MEGF11: variants seen among roughly 807,000 people sequenced by gnomAD.
The protein encoded by MEGF11 is multiple EGF like domains 11.
A neutral mutation model predicts 146.6 loss-of-function variants in MEGF11; 126 were observed. The observed-to-expected ratio is 0.86, with a 90% CI of 0.74 to 1.00. MEGF11 has a LOEUF of 1.00. MEGF11 is among the 50% of genes least tolerant of loss of function. MEGF11 has a pLI of 0.00. For missense variants in MEGF11, 1,509 were observed against 1,521.2 expected (o/e 0.99, Z 0.13); for synonymous variants, 532 against 583.4 (o/e 0.91, Z 1.27).
In MEGF11 at chr15:66,229,016, C is replaced by G. The variant is rs75952663; in HGVS notation, c.-9+24589G>C. On this transcript the variant is annotated intron_variant, in intron 1 of 25. Transcript: ENST00000395614. ...CTGGTGCTAGCGTCAGGGTGCTGCA[C>G]TACCCTTTGCTGATTTTCCTGCACT... Among the ~76,000 whole-genome samples, 577 of 152,250 alleles carry G rather than the reference C, an allele frequency of 3.8e-3. 10 individuals are homozygous for G. In the East Asian group the frequency reaches 0.064, roughly 17 times the overall value.
At chr15:66,132,177 G>T (rs2088673389) in intron 1 of MEGF11, among the ~76,000 whole-genome samples, 1 of 152,178 alleles carries the variant, frequency 6.6e-6, no homozygotes, top group Non-Finnish European at 1.5e-5. Context: ...CCCTGCCTCT[G>T]CCTAGGACCC....
intron 5 of MEGF11, among the ~76,000 whole-genome samples, chr15:66,032,848 G>A (rs1005279151): frequency 2.6e-5 from 4 of 152,156 alleles, no homozygotes; most frequent in Admixed American, 6.5e-5. Context: ...AAAGGAAGCC[G>A]AGGTGGGCAG....
intron 5 of MEGF11, among the ~76,000 whole-genome samples, chr15:65,995,630 G>T (rs2082174989): frequency 1.3e-5 from 2 of 152,220 alleles, no homozygotes; most frequent in African/African-American, 4.8e-5. Flanking sequence ...CAGGTTTGCA[G>T]GTGGTTTTAC....
At chr15:66,016,191 C>G (rs1229754632) in intron 5 of MEGF11, among the ~76,000 whole-genome samples, 2 of 152,100 alleles carry the variant, frequency 1.3e-5, no homozygotes, top group Non-Finnish European at 2.9e-5. Context: ...ATCATGCTCC[C>G]GCTTCCCTCC....
At chr15:66,154,389 A>G (rs2089678402) in intron 1 of MEGF11, among the ~76,000 whole-genome samples, 1 of 152,194 alleles carries the variant, frequency 6.6e-6, no homozygotes, top group Non-Finnish European at 1.5e-5. Context: ...CTTGCCCCGC[A>G]AGAGCCAAGG....
intron 1 of MEGF11, among the ~76,000 whole-genome samples, chr15:66,250,301 C>T (rs936681259): frequency 7.9e-5 from 12 of 152,250 alleles, no homozygotes; most frequent in African/African-American, 2.9e-4. Context: ...AGCGTCAAAT[C>T]TTTCACCTTG....
intron 19 of MEGF11, among the ~76,000 whole-genome samples, chr15:65,914,778 T>C (rs2078935847): frequency 6.6e-6 from 1 of 152,232 alleles, no homozygotes; most frequent in Non-Finnish European, 1.5e-5. Context: ...GCTCCTTTTC[T>C]GTAATGTGAA....
intron 5 of MEGF11, among the ~76,000 whole-genome samples, chr15:66,090,669 G>A (rs8026825): frequency 0.2 from 30,574 of 152,194 alleles, 3,238 homozygotes; most frequent in East Asian, 0.39. Flanking sequence ...AAAGGACGGT[G>A]GGCCTATGAC....
chr15:65,909,552 A>G (rs910670706), intron 22 of MEGF11, among the ~76,000 whole-genome samples, 188 bp downstream of exon 22: 1 of 152,000 alleles, frequency 6.6e-6, no homozygotes, highest in Admixed American at 6.5e-5. Flanking sequence ...CATAGCAGGG[A>G]CTTAGCCCTA....
intron 1 of MEGF11, among the ~76,000 whole-genome samples, chr15:66,227,555 C>T (rs528305874): frequency 7.2e-5 from 11 of 152,100 alleles, no homozygotes; most frequent in Non-Finnish European, 1.6e-4. Flanking sequence ...GAATTCTTTC[C>T]ACTTCTCTAT....
chr15:66,194,684 G>A (rs986255383), intron 1 of MEGF11, among the ~76,000 whole-genome samples: 2 of 151,262 alleles, frequency 1.3e-5, no homozygotes. Context: ...GAGGGGGAGG[G>A]GGAGGGATAA....
intron 15 of MEGF11, among the ~76,000 whole-genome samples, chr15:65,920,344 T>C (rs1216211745): frequency 6.6e-6 from 1 of 152,220 alleles, no homozygotes; most frequent in African/African-American, 2.4e-5. Flanking sequence ...CAGCTCAGGC[T>C]CCAGCTTTTT....
chr15:65,987,910 T>C (rs570148267), intron 5 of MEGF11, among the ~76,000 whole-genome samples: 101 of 152,012 alleles, frequency 6.6e-4, no homozygotes, highest in African/African-American at 2.2e-3. Context: ...GGGGTTTCAC[T>C]GTGTTAGCCA....
At chr15:65,951,322 T>G (rs2080391819) in intron 10 of MEGF11, among the ~76,000 whole-genome samples, 1 of 152,182 alleles carries the variant, frequency 6.6e-6, no homozygotes, top group Admixed American at 6.5e-5. Flanking sequence ...CCAAAGAACA[T>G]ATAGTAGTGC....
chr15:66,217,164 G>A (rs1018934719), intron 1 of MEGF11, among the ~76,000 whole-genome samples: 1 of 152,226 alleles, frequency 6.6e-6, no homozygotes, highest in African/African-American at 2.4e-5. Context: ...ACCTAAGTCA[G>A]GGGGCATGTC....
Position 66,119,137 on chromosome 15 carries a change from G to A in MEGF11, c.250C>T (p.Arg84Trp), listed in dbSNP as rs765433861. 18 of 1,551,330 alleles carry A rather than the reference G, an allele frequency of 1.2e-5. No homozygotes were observed. Among genetic ancestry groups the A allele is most frequent in the African/African-American group, 2.7e-5 (2 of 72,994 alleles). Residue 84 changes from arginine to tryptophan, a missense_variant, in exon 4 of 26, where the codon CGG becomes TGG. Physicochemically the swap from Arg to Trp is moderately radical, Grantham distance 101. Coordinates refer to ENST00000395614, the MANE Select transcript of MEGF11 (RefSeq NM_001385028.1). The part of the protein sequence containing the change: ...YRRGLRTMYR[R>W]RSQCCPGYYE... The stretch of plus-strand genomic sequence containing the variant: ...TAGCCAGGGCAGCACTGGGACCTCC[G>A]CCGGTACATGGTCCGGAGGCCTCTC...
chr15:66,120,645 T>C (rs151022444), intron 3 of MEGF11, among the ~76,000 whole-genome samples: 63 of 152,312 alleles, frequency 4.1e-4, no homozygotes, highest in African/African-American at 1.4e-3. Flanking sequence ...GGGAATGTCG[T>C]AAGCTAAGGT....
chr15:66,038,689 A>G (rs1264106244), intron 5 of MEGF11, among the ~76,000 whole-genome samples: 1 of 152,080 alleles, frequency 6.6e-6, no homozygotes, highest in Non-Finnish European at 1.5e-5. Flanking sequence ...CCAAGGTCAC[A>G]CCTATTATGA....
At chr15:65,940,789 A>T (rs1340242402) in intron 10 of MEGF11, among the ~76,000 whole-genome samples, 1 of 152,134 alleles carries the variant, frequency 6.6e-6, no homozygotes, top group Non-Finnish European at 1.5e-5. Flanking sequence ...TGCAGGTGGG[A>T]GGAGGAGAAA....
Sources: allele counts gnomAD v4.1 joint callset (sites outside exome capture counted in the v4.1 genomes callset), GRCh38; gene constraint gnomAD v4.1.1; transcripts MANE v1.5; gene names NCBI Gene and HGNC (gene_info 2026-07-23, HGNC 2026-07-21).